The following ZFHX3 variants were observed in gnomAD, a reference collection of about 807,000 sequenced individuals.
ZFHX3 encodes the protein zinc finger homeobox protein 3.
Under a neutral mutation model 279.1 loss-of-function variants are expected in ZFHX3, and 42 were observed. The ratio of observed to expected loss-of-function variants is 0.15; its 90% CI spans 0.12 to 0.19. ZFHX3 has a LOEUF of 0.19. ZFHX3 is among the 10% of genes least tolerant of loss of function. The pLI, the probability that ZFHX3 is intolerant of heterozygous loss-of-function variation, is 1.00. For synonymous variants in ZFHX3, 2,293 were observed against 1,957.8 expected (o/e 1.17, Z -4.52); for missense variants, 4,981 against 4,754.0 (o/e 1.05, Z -1.40).
intron 1 of ZFHX3, among the ~76,000 whole-genome samples, chr16:73,803,656 G>T (rs75868514): frequency 6.6e-6 from 1 of 151,978 alleles, no homozygotes; most frequent in Non-Finnish European, 1.5e-5. Context: ...TAGGCAAATG[G>T]GTGTCTATAT....
chr16:73,372,763 A>G (rs998755347), intron 3 of ZFHX3, among the ~76,000 whole-genome samples: 1 of 152,204 alleles, frequency 6.6e-6, no homozygotes, highest in Non-Finnish European at 1.5e-5. Context: ...TTCCACATGA[A>G]TCACAGTCCT....
chr16:73,004,303 CTA>C (rs1159820664), intron 1 of ZFHX3, among the ~76,000 whole-genome samples: 25 of 127,822 alleles, frequency 2.0e-4, no homozygotes, highest in African/African-American at 7.4e-4. Context: ...CCATTTTTCT[CTA>C]TCTGTATGCA....
In ZFHX3 at chr16:73,337,741, G is replaced by C. The variant is rs368292377; in HGVS notation, c.-1290-19405C>G. On this transcript the variant is annotated intron_variant, in intron 3 of 17. Coordinates refer to the ZFHX3 transcript ENST00000641206. The stretch of plus-strand genomic sequence containing the variant: ...TTCCTACCCTTTCTAGGTCCCCACT[G>C]TACTGGTCACACCCTGGACCTTGTC... 9.9e-5 allele frequency among the ~76,000 whole-genome samples: 15 copies of C among 151,794 alleles called. No homozygotes were observed. The East Asian group carries it at 2.9e-3, about 30-fold the overall frequency.
At chr16:73,281,217 G>T (rs1270091809) in intron 4 of ZFHX3, among the ~76,000 whole-genome samples, 3 of 152,100 alleles carry the variant, frequency 2.0e-5, no homozygotes, top group Non-Finnish European at 2.9e-5. Flanking sequence ...GCCAAGATAT[G>T]AAAACAATCA....
At chr16:73,095,417 T>A (rs1297333941) in intron 7 of ZFHX3, among the ~76,000 whole-genome samples, 1 of 152,182 alleles carries the variant, frequency 6.6e-6, no homozygotes, top group Admixed American at 6.5e-5. Flanking sequence ...CAGACTGAGC[T>A]AATAACCTTC....
chr16:73,706,333 G>A (rs2053303072), intron 1 of ZFHX3, among the ~76,000 whole-genome samples: 1 of 151,544 alleles, frequency 6.6e-6, no homozygotes, highest in Non-Finnish European at 1.5e-5. Flanking sequence ...GTCGTGGCAG[G>A]CGCCTGTAAT....
In ZFHX3 at chr16:73,765,967, A is replaced by T. The variant is rs183473072; in HGVS notation, c.-1607-85727T>A. Among the ~76,000 whole-genome samples the T allele has an allele frequency of 5.1e-3, 776 of 152,318 alleles. 3 individuals are homozygous for T. Among genetic ancestry groups the T allele is most frequent in the Non-Finnish European group, 7.3e-3 (495 of 68,018 alleles). The stretch of plus-strand genomic sequence containing the variant: ...AAAGCCTGAGGCTTACTCTCAGTTC[A>T]TTTCAATACAGTTTCAGGTTTTGGG... On this transcript the variant is annotated intron_variant, in intron 1 of 17. Transcript: ENST00000641206.
At chr16:73,428,228 C>T (rs2017846240) in intron 3 of ZFHX3, among the ~76,000 whole-genome samples, 1 of 152,132 alleles carries the variant, frequency 6.6e-6, no homozygotes, top group African/African-American at 2.4e-5. Context: ...CCCAGTGACC[C>T]CAGGGTCGGG....
chr16:73,361,282 G>A (rs976739893), intron 3 of ZFHX3, among the ~76,000 whole-genome samples: 3 of 152,240 alleles, frequency 2.0e-5, no homozygotes, highest in Non-Finnish European at 4.4e-5. Context: ...ATGAGACGGT[G>A]GCAAGCTCAA....
intron 4 of ZFHX3, among the ~76,000 whole-genome samples, chr16:72,840,780 C>A (rs1428414176): frequency 6.6e-6 from 1 of 152,232 alleles, no homozygotes; most frequent in African/African-American, 2.4e-5. Flanking sequence ...GAATGAGGAA[C>A]TGACTGTCAA....
chr16:73,733,371 G>T (rs542067534), intron 1 of ZFHX3, among the ~76,000 whole-genome samples: 6 of 152,234 alleles, frequency 3.9e-5, no homozygotes, highest in African/African-American at 1.2e-4. Context: ...TATCAGCCAT[G>T]ACTTTTCATT....
intron 4 of ZFHX3, among the ~76,000 whole-genome samples, chr16:72,872,016 C>T (rs1044244911): frequency 6.6e-6 from 1 of 151,890 alleles, no homozygotes; most frequent in African/African-American, 2.4e-5. Flanking sequence ...ACCCGGGAGT[C>T]GGAGCTTGCA....
chr16:73,337,768 T>C (rs2015942072), intron 3 of ZFHX3, among the ~76,000 whole-genome samples: 1 of 151,782 alleles, frequency 6.6e-6, no homozygotes. Flanking sequence ...GACCTTGTCA[T>C]CACCAGCAAC....
intron 1 of ZFHX3, among the ~76,000 whole-genome samples, chr16:73,743,069 C>T (rs2053673470): frequency 6.6e-6 from 1 of 152,170 alleles, no homozygotes; most frequent in African/African-American, 2.4e-5. Flanking sequence ...TGTTTCCACA[C>T]ATAAAGTGAG....
intron 3 of ZFHX3, among the ~76,000 whole-genome samples, chr16:73,409,071 G>T (rs1302668314): frequency 3.9e-5 from 6 of 152,274 alleles, no homozygotes; most frequent in Non-Finnish European, 5.9e-5. Flanking sequence ...GTCAGCCACA[G>T]TAAAGTAGAA....
At position 72,797,381 on chromosome 16, in the gene ZFHX3, G is replaced by T. The variant is rs1167688269; in HGVS notation, c.5301C>A (p.Ile1767=). 5.0e-6 allele frequency: 8 copies of T among 1,605,854 alleles called. No homozygotes were observed. Among genetic ancestry groups the T allele is most frequent in the Non-Finnish European group, 6.8e-6 (8 of 1,176,334 alleles). Residue 1767 remains isoleucine, a synonymous_variant, in exon 9 of 10, where the codon ATC becomes ATA. Coordinates refer to ENST00000268489, the MANE Select transcript of ZFHX3 (RefSeq NM_006885.4). ...QQELQQQAAL[I]QSQLFNPTLL... ...GGGTGGGGTTAAACAGCTGAGACTG[G>T]ATCAGGGCAGCCTGTTGCTGCAGCT...
At chr16:73,489,443 A>G (rs1444146552) in intron 2 of ZFHX3, among the ~76,000 whole-genome samples, 1 of 152,228 alleles carries the variant, frequency 6.6e-6, no homozygotes, top group Non-Finnish European at 1.5e-5. Context: ...CTTTTTTCCA[A>G]CTGAATCCAG....
intron 4 of ZFHX3, among the ~76,000 whole-genome samples, chr16:73,307,525 G>A (rs1049907805): frequency 1.3e-5 from 2 of 152,174 alleles, no homozygotes; most frequent in African/African-American, 4.8e-5. Flanking sequence ...CTTCAAAACA[G>A]TCACGCCAGT....
intron 2 of ZFHX3, among the ~76,000 whole-genome samples, chr16:73,584,579 G>C (rs908460654): frequency 6.6e-6 from 1 of 152,106 alleles, no homozygotes; most frequent in African/African-American, 2.4e-5. Flanking sequence ...CCAACATCAG[G>C]GCATTACTAA....
Sources: allele counts gnomAD v4.1 joint callset (sites outside exome capture counted in the v4.1 genomes callset), GRCh38; gene constraint gnomAD v4.1.1; transcripts MANE v1.5; gene names NCBI Gene and HGNC (gene_info 2026-07-23, HGNC 2026-07-21).